The following CNTN4 variants were observed in gnomAD, a reference collection of about 807,000 sequenced individuals.
CNTN4 encodes the protein contactin-4.
A neutral mutation model predicts 122.5 loss-of-function variants in CNTN4; 77 were observed. That is an observed-to-expected ratio of 0.63 (90% CI 0.52 to 0.76). The LOEUF is 0.76. CNTN4 is among the 30% of genes least tolerant of loss of function. The pLI is 0.00. For missense variants in CNTN4, 1,256 were observed against 1,259.1 expected, an observed-to-expected ratio of 1.00 and a Z score of 0.04; for synonymous variants, 512 against 447.0, an observed-to-expected ratio of 1.15 and a Z score of -1.83.
intron 4 of CNTN4, among the ~76,000 whole-genome samples, chr3:2,594,016 T>G (rs965021363): frequency 6.6e-6 from 1 of 152,200 alleles, no homozygotes; most frequent in Admixed American, 6.5e-5. Context: ...AAATATGTAG[T>G]ACCTTGAAGA....
chr3:2,617,371 A>C (rs1467892922), intron 4 of CNTN4, among the ~76,000 whole-genome samples: 5 of 152,112 alleles, frequency 3.3e-5, no homozygotes, highest in Non-Finnish European at 4.4e-5. Context: ...TATGTAGCCA[A>C]GAAACATATG....
chr3:2,309,224 C>A, intron 2 of CNTN4, among the ~76,000 whole-genome samples: 1 of 152,092 alleles, frequency 6.6e-6, no homozygotes, highest in Admixed American at 6.6e-5. Flanking sequence ...TTCATCTGTA[C>A]TAAAATTTTT....
At chr3:2,338,023 A>G (rs930946668) in intron 2 of CNTN4, among the ~76,000 whole-genome samples, 11 of 152,096 alleles carry the variant, frequency 7.2e-5, no homozygotes, top group Admixed American at 7.2e-4. Flanking sequence ...AACCAAACAG[A>G]TGGTGATGTA....
At chr3:2,106,194 G>A (rs2032427722) in intron 2 of CNTN4, among the ~76,000 whole-genome samples, 1 of 152,150 alleles carries the variant, frequency 6.6e-6, no homozygotes, top group African/African-American at 2.4e-5. Flanking sequence ...CTGCTTTCAT[G>A]GCACACAGTG....
intron 2 of CNTN4, among the ~76,000 whole-genome samples, chr3:2,101,953 A>C (rs899884792): frequency 1.3e-5 from 2 of 152,162 alleles, no homozygotes; most frequent in African/African-American, 2.4e-5. Context: ...CTGATACTCT[A>C]GCCAGTTGTA....
intron 8 of CNTN4, chr3:2,882,874 C>T (rs1020552120): frequency 5.2e-6 from 2 of 386,708 alleles, no homozygotes; most frequent in Non-Finnish European, 9.8e-6. Context: ...TTAAGACTAC[C>T]TTAAAACAAT....
intron 3 of CNTN4, among the ~76,000 whole-genome samples, chr3:2,465,559 C>T (rs1046779261): frequency 3.3e-5 from 5 of 151,984 alleles, no homozygotes; most frequent in African/African-American, 7.2e-5. Context: ...CGCCTGTAGT[C>T]CCAGCTACTC....
At chr3:2,928,070 C>A (rs2151392168) in intron 13 of CNTN4, among the ~76,000 whole-genome samples, 1 of 152,316 alleles carries the variant, frequency 6.6e-6, no homozygotes, top group South Asian at 2.1e-4. Context: ...AGGGAGACAC[C>A]TGCCACTCAG....
At chr3:2,747,451 C>T (rs1389945436) in intron 6 of CNTN4, among the ~76,000 whole-genome samples, 2 of 138,650 alleles carry the variant, frequency 1.4e-5, no homozygotes, top group Non-Finnish European at 3.1e-5. Context: ...AATACTATAC[C>T]CAAACTTCTT....
intron 4 of CNTN4, among the ~76,000 whole-genome samples, chr3:2,637,217 C>T (rs372970049): frequency 6.6e-6 from 1 of 152,094 alleles, no homozygotes; most frequent in East Asian, 1.9e-4. Context: ...GCTAGGATTA[C>T]AGTCCTGAGC....
intron 2 of CNTN4, among the ~76,000 whole-genome samples, chr3:2,265,274 G>A (rs1164173295): frequency 1.3e-5 from 2 of 152,008 alleles, no homozygotes; most frequent in Admixed American, 6.6e-5. Context: ...AAGCATTTGG[G>A]CTGGTTCCAT....
At chr3:2,307,543 A>G (rs2042760647) in intron 2 of CNTN4, among the ~76,000 whole-genome samples, 1 of 151,828 alleles carries the variant, frequency 6.6e-6, no homozygotes. Context: ...TGAGATGCCC[A>G]TTTCTGCAGG....
intron 4 of CNTN4, among the ~76,000 whole-genome samples, chr3:2,606,581 G>A (rs1390816938): frequency 1.3e-5 from 2 of 152,194 alleles, no homozygotes; most frequent in African/African-American, 2.4e-5. Flanking sequence ...GGAAGCTATT[G>A]TGTTATGACT....
chr3:2,571,340 G>C, intron 3 of CNTN4, 76 bp from the exon 4 acceptor site: 1 of 658,792 alleles, frequency 1.5e-6, no homozygotes, highest in Non-Finnish European at 2.8e-6. Flanking sequence ...ATTGATATTT[G>C]AGTAAAGATA....
At chr3:2,305,649 G>A (rs1489096137) in intron 2 of CNTN4, among the ~76,000 whole-genome samples, 1 of 152,006 alleles carries the variant, frequency 6.6e-6, no homozygotes, top group Non-Finnish European at 1.5e-5. Context: ...AGATATTCAT[G>A]TATGATAAAC....
intron 2 of CNTN4, among the ~76,000 whole-genome samples, chr3:2,304,914 G>A (rs200856147): frequency 4.6e-5 from 7 of 151,460 alleles, no homozygotes; most frequent in East Asian, 3.9e-4. Context: ...TTTGGCCAAC[G>A]GGGAAATTAT....
At chr3:2,864,347 C>T (rs2093700733) in intron 7 of CNTN4, among the ~76,000 whole-genome samples, 1 of 152,078 alleles carries the variant, frequency 6.6e-6, no homozygotes, top group African/African-American at 2.4e-5. Flanking sequence ...TTCCCAATAT[C>T]GACTTTCTGG....
At chr3:2,810,451 T>G (rs2092577896) in intron 6 of CNTN4, among the ~76,000 whole-genome samples, 1 of 152,190 alleles carries the variant, frequency 6.6e-6, no homozygotes, top group African/African-American at 2.4e-5. Flanking sequence ...GATCTAGTAA[T>G]GTGGTGCAAG....
At chr3:2,130,007 A>G (rs2034376264) in intron 2 of CNTN4, among the ~76,000 whole-genome samples, 1 of 152,118 alleles carries the variant, frequency 6.6e-6, no homozygotes, top group Admixed American at 6.6e-5. Context: ...GAACTGGAAT[A>G]CATCTTAAGA....
Sources: allele counts gnomAD v4.1 joint callset (sites outside exome capture counted in the v4.1 genomes callset), GRCh38; gene constraint gnomAD v4.1.1; transcripts MANE v1.5; gene names NCBI Gene and HGNC (gene_info 2026-07-23, HGNC 2026-07-21).